P3R3URF: variants seen among roughly 807,000 people sequenced by gnomAD.
The protein encoded by P3R3URF is PIK3R3 upstream open reading frame.
Under a neutral mutation model 8.0 loss-of-function variants are expected in P3R3URF, and 6 were observed. The ratio of observed to expected loss-of-function variants is 0.75; its 90% CI spans 0.41 to 1.47. The LOEUF is 1.47. Ranked by LOEUF, P3R3URF falls within the 40% of genes most tolerant of loss-of-function variation. P3R3URF has a pLI of 0.01. For missense variants in P3R3URF, 121 were observed against 117.3 expected, an observed-to-expected ratio of 1.03 and a Z score of -0.14; for synonymous variants, 39 against 36.7, an observed-to-expected ratio of 1.06 and a Z score of -0.23.
chr1:46,176,247 C>T lies in P3R3URF; in HGVS notation c.225G>A (p.Val75=). 6.5e-7 allele frequency: 1 copy of T among 1,535,776 alleles called. No homozygotes were observed. Among genetic ancestry groups the T allele is most frequent in the Non-Finnish European group, 8.7e-7 (1 of 1,146,914 alleles). Residue 75 remains valine (V), a synonymous_variant, in exon 1 of 2, where the codon GTG becomes GTA. Coordinates refer to ENST00000506599, the MANE Select transcript of P3R3URF (RefSeq NM_001328655.2). Reference sequence around the variant, plus strand: ...GCTAACCTTGAGGTGGGAAGATCCACACTATGGTGGTGTCAGTGTGGGTGT... The same window carrying T: ...GCTAACCTTGAGGTGGGAAGATCCATACTATGGTGGTGTCAGTGTGGGTGT... ...INNTHTDTTI[V]WIFPPQVLRH...
intron 1 of P3R3URF, 122 bp downstream of exon 1, chr1:46,176,106 A>G (rs923673085): frequency 2.8e-6 from 3 of 1,053,384 alleles, no homozygotes; most frequent in African/African-American, 3.2e-5. Context: ...CGATCTCCTG[A>G]CCTTGTGATC....
At position 46,176,420 on chromosome 1, in the gene P3R3URF, G is replaced by C. The variant is rs984935832; in HGVS notation, c.52C>G (p.Pro18Ala). The C allele has an allele frequency of 2.6e-6, 4 of 1,535,766 alleles. No homozygotes were observed. Among genetic ancestry groups the C allele is most frequent in the Admixed American group, 3.9e-5 (2 of 51,012 alleles). The change falls in exon 1 of 2, where the codon CCC (proline) becomes GCC (alanine). Residue 18 changes from proline (P) to alanine (A), a missense_variant. By Grantham distance (27) the Pro-to-Ala change is conservative (BLOSUM62 -1). Transcript: ENST00000506599. ...CAGCCCATACCTGGCCTGCGGTAGG[G>C]GGAACGCATGCCCTGGGGCCGAGGG... is the stretch of plus-strand genomic sequence containing the variant. ...RGPRPQGMRS[P>A]YRRPGMGWPR...
At position 46,176,463 on chromosome 1, in the gene P3R3URF, T is replaced by C. The variant is rs766275690; in HGVS notation, c.9A>G (p.Pro3=). ...GCCGAGGGCCACGGACAAGCCGAGA[T>C]GGCCCCATGGGCACAGGGAGCTTCT... is the stretch of plus-strand genomic sequence containing the variant. The part of the protein sequence containing the change: MG[P]SRLVRGPRPQ... Residue 3 remains proline, a synonymous_variant, in exon 1 of 2, where the codon CCA becomes CCG. Coordinates refer to ENST00000506599, the MANE Select transcript of P3R3URF (RefSeq NM_001328655.2). The C allele has an allele frequency of 1.3e-6, 2 of 1,535,678 alleles. No individual in the cohort carries two copies. Among genetic ancestry groups the C allele is most frequent in the South Asian group, 2.4e-5 (2 of 84,052 alleles).
At position 46,176,283 on chromosome 1, in the gene P3R3URF, C is replaced by T. The variant is rs1221560583; in HGVS notation, c.189G>A (p.Met63Ile). The change falls in exon 1 of 2, where the codon ATG (methionine) becomes ATA (isoleucine). Residue 63 changes from methionine to isoleucine, a missense_variant. By Grantham distance (10) the Met-to-Ile change is conservative. Transcript: ENST00000506599. The part of the protein sequence containing the change: ...SAAINPATRA[M>I]GINNTHTDTT... ...TGTCAGTGTGGGTGTTGTTGATACC[C>T]ATGGCCCTGGTGGCAGGATTGATGG... 3 of 1,535,802 alleles carry T rather than the reference C, an allele frequency of 2.0e-6. No homozygotes were observed. Among genetic ancestry groups the T allele is most frequent in the Non-Finnish European group, 1.7e-6 (2 of 1,146,912 alleles).
chr1:46,176,451 G>A lies in P3R3URF; in HGVS notation c.21C>T (p.Val7=), dbSNP rs1194605500. MGPSRL[V]RGPRPQGMRS... ...GCATGCCCTGGGGCCGAGGGCCACG[G>A]ACAAGCCGAGATGGCCCCATGGGCA... The change falls in exon 1 of 2, where the codon GTC becomes GTT. Residue 7 remains valine (V), a synonymous_variant. Coordinates refer to ENST00000506599, the MANE Select transcript of P3R3URF (RefSeq NM_001328655.2). The A allele has an allele frequency of 6.5e-7, 1 of 1,535,748 alleles. No individual in the cohort carries two copies. The highest frequency in any genetic ancestry group is 2.4e-5 in the East Asian group (1 of 40,912).
chr1:46,176,248 A>C lies in P3R3URF; in HGVS notation c.224T>G (p.Val75Gly), dbSNP rs1466681216. Reference sequence around the variant, plus strand: ...CTAACCTTGAGGTGGGAAGATCCACACTATGGTGGTGTCAGTGTGGGTGTT... The same window carrying C: ...CTAACCTTGAGGTGGGAAGATCCACCCTATGGTGGTGTCAGTGTGGGTGTT... ...INNTHTDTTI[V>G]WIFPPQVLRH... The change falls in exon 1 of 2, where the codon GTG becomes GGG. Residue 75 changes from valine (V) to glycine (G), a missense_variant. Coordinates refer to ENST00000506599, the MANE Select transcript of P3R3URF (RefSeq NM_001328655.2). 3.9e-5 allele frequency: 60 copies of C among 1,535,614 alleles called. No homozygotes were observed. The highest frequency in any genetic ancestry group is 2.4e-5 in the Non-Finnish European group (27 of 1,146,908).
At chr1:46,176,157 G>A (rs980145545) in intron 1 of P3R3URF, 71 bp downstream of exon 1, 140 of 1,513,692 alleles carry the variant, frequency 9.2e-5, no homozygotes, top group East Asian at 3.2e-4. Flanking sequence ...TTACAGGCAT[G>A]AGCCACCGCA....
Position 46,175,521 on chromosome 1 carries a change from C to T in P3R3URF, c.*65G>A. 2.5e-6 allele frequency: 1 copy of T among 398,878 alleles called. No homozygotes were observed. Among genetic ancestry groups the T allele is most frequent in the Non-Finnish European group, 4.4e-6 (1 of 226,298 alleles). 24.7% of individuals were successfully genotyped at this position (398,878 alleles called of 1,614,324 possible). On this transcript the variant is annotated 3_prime_UTR_variant, in exon 2 of 2. Transcript: ENST00000506599. ...ATGACTGTATTTGTTGTTCACCACC[C>T]ACACGGCCCCTAGGAGATGCAGGTC...
Position 46,176,319 on chromosome 1 carries a change from G to C in P3R3URF, c.153C>G (p.Ala51=). 1 of 1,535,788 alleles carries C rather than the reference G, an allele frequency of 6.5e-7. No individual in the cohort carries two copies. The highest frequency in any genetic ancestry group is 8.7e-7 in the Non-Finnish European group (1 of 1,146,930). Residue 51 remains alanine, a synonymous_variant, in exon 1 of 2, where the codon GCC becomes GCG. Transcript: ENST00000506599. ...TGGCAGGATTGATGGCTGCACTGCT[G>C]GCAGTTCGACCTCGGAGACCCTGTT... ...RYQQGLRGRT[A]SSAAINPATR... is the part of the protein sequence containing the mutation.
intron 1 of P3R3URF, among the ~76,000 whole-genome samples, chr1:46,176,020 G>C (rs888108053): frequency 2.6e-5 from 4 of 152,148 alleles, no homozygotes; most frequent in Non-Finnish European, 5.9e-5. Flanking sequence ...CTAAAGGCGT[G>C]TGCCACCACG....
intron 1 of P3R3URF, 152 bp from the exon 2 acceptor site, chr1:46,175,781 A>T (rs952547699): frequency 5.5e-5 from 22 of 403,170 alleles, no homozygotes; most frequent in Non-Finnish European, 9.1e-5. Context: ...TGCCATCAGG[A>T]GTCCCCCATA....
chr1:46,176,449 C>G lies in P3R3URF; in HGVS notation c.23G>C (p.Arg8Pro). MGPSRLV[R>P]GPRPQGMRSP... ...ACGCATGCCCTGGGGCCGAGGGCCA[C>G]GGACAAGCCGAGATGGCCCCATGGG... is the stretch of plus-strand genomic sequence containing the variant. The change falls in exon 1 of 2, where the codon CGT becomes CCT. Residue 8 changes from arginine to proline, a missense_variant. Transcript: ENST00000506599. The G allele has an allele frequency of 6.5e-7, 1 of 1,535,734 alleles. No homozygotes were observed. The highest frequency in any genetic ancestry group is 8.7e-7 in the Non-Finnish European group (1 of 1,146,916).
chr1:46,176,093 T>C (rs1255688198), intron 1 of P3R3URF, 135 bp downstream of exon 1: 23 of 939,828 alleles, frequency 2.4e-5, no homozygotes, highest in Middle Eastern at 2.9e-4. Context: ...GCCAGGATGG[T>C]CTCGATCTCC....
At chr1:46,176,160 C>A in intron 1 of P3R3URF, 68 bp downstream of exon 1, 1 of 1,518,044 alleles carries the variant, frequency 6.6e-7, no homozygotes, top group East Asian at 2.5e-5. Flanking sequence ...CAGGCATGAG[C>A]CACCGCACCC....
rs570515995 is a variant in P3R3URF, at chr1:46,175,828, G to T, written c.245-199C>A. 3.1e-4 allele frequency: 137 copies of T among 436,104 alleles called. 1 individual carries two copies. In the South Asian group the frequency reaches 0.01, roughly 33 times the overall value. 27.0% of individuals were successfully genotyped at this position (436,104 alleles called of 1,614,324 possible). Reference sequence around the variant, plus strand: ...GCTATTTCACAGAGATCATCCTTTGGCGTGCCTAAACAGAACCAGGTAGGG... The same window carrying T: ...GCTATTTCACAGAGATCATCCTTTGTCGTGCCTAAACAGAACCAGGTAGGG... On this transcript the variant is annotated intron_variant, in intron 1 of 1. Transcript: ENST00000506599.
chr1:46,175,899 G>A (rs1177508210), intron 1 of P3R3URF: 30 of 423,712 alleles, frequency 7.1e-5, no homozygotes, highest in Non-Finnish European at 8.3e-6. Flanking sequence ...TTGAGACAGA[G>A]TCTAGCTCTG....
rs369770112 is a variant in P3R3URF, at chr1:46,176,215, C to T, written c.244+13G>A. On this transcript the variant is annotated intron_variant, in intron 1 of 1. Transcript: ENST00000506599. Reference sequence around the variant, plus strand: ...TTAAAACCCCACCCTGGCTCACAGGCCCCCTGGCTAACCTTGAGGTGGGAA... The same window carrying T: ...TTAAAACCCCACCCTGGCTCACAGGTCCCCTGGCTAACCTTGAGGTGGGAA... 2.6e-6 allele frequency: 4 copies of T among 1,534,678 alleles called. No homozygotes were observed. The highest frequency in any genetic ancestry group is 3.5e-6 in the Non-Finnish European group (4 of 1,146,264).
At chr1:46,175,701 A>G in intron 1 of P3R3URF, 72 bp from the exon 2 acceptor site, 1 of 399,756 alleles carries the variant, frequency 2.5e-6, no homozygotes, top group South Asian at 1.3e-4. Flanking sequence ...TCTTGGATTC[A>G]GCCCCTCCCC....
intron 1 of P3R3URF, 121 bp from the exon 2 acceptor site, chr1:46,175,750 C>G (rs1376453019): frequency 5.0e-6 from 2 of 403,008 alleles, no homozygotes; most frequent in Non-Finnish European, 8.7e-6. Context: ...TCCATTAAGG[C>G]TGTCAGCACT....
Sources: allele counts gnomAD v4.1 joint callset (sites outside exome capture counted in the v4.1 genomes callset), GRCh38; gene constraint gnomAD v4.1.1; transcripts MANE v1.5; gene names NCBI Gene and HGNC (gene_info 2026-07-23, HGNC 2026-07-21).